GRK5: variants seen among roughly 807,000 people sequenced by gnomAD.
GRK5 encodes the protein G protein-coupled receptor kinase 5, also known as g protein-coupled receptor kinase GRK5.
A neutral mutation model predicts 78.4 loss-of-function variants in GRK5; 40 were observed. The observed-to-expected ratio is 0.51, with a 90% CI of 0.40 to 0.66. The LOEUF is 0.66. GRK5 is among the 30% of genes least tolerant of loss of function. The probability of loss-of-function intolerance (pLI) is 0.00; values close to 1 mark genes in which losing one functional copy is unlikely to be tolerated. For missense variants in GRK5, 598 were observed against 759.9 expected (o/e 0.79, Z 2.50); for synonymous variants, 289 against 296.8 (o/e 0.97, Z 0.27).
rs377249186 is a variant in GRK5 at position 119,269,970 on chromosome 10, C to A, written c.53-56546C>A. Among the ~76,000 whole-genome samples, 366 of 152,288 alleles carry A rather than the reference C, an allele frequency of 2.4e-3. 4 individuals carry two copies. The highest frequency in any genetic ancestry group is 8.5e-3 in the African/African-American group (354 of 41,532). ...GGGAGGGGGCCTTGTGCCAGTCCCC[C>A]ACACTTTGTCTGCTCCTCCAGCCTC... On this transcript the variant is annotated intron_variant, in intron 1 of 15. Transcript: ENST00000392870.
chr10:119,248,006 T>C (rs781492395), intron 1 of GRK5, among the ~76,000 whole-genome samples: 32 of 152,288 alleles, frequency 2.1e-4, no homozygotes, highest in Non-Finnish European at 3.7e-4. Flanking sequence ...TGCACACAAA[T>C]ACGTAATTAG....
intron 1 of GRK5, among the ~76,000 whole-genome samples, chr10:119,255,687 C>T (rs1033267797): frequency 7.2e-5 from 11 of 152,228 alleles, no homozygotes; most frequent in African/African-American, 2.7e-4. Flanking sequence ...GCCTGCTGCC[C>T]CCTGTCCTGG....
intron 2 of GRK5, among the ~76,000 whole-genome samples, chr10:119,328,860 G>A: frequency 6.6e-6 from 1 of 152,264 alleles, no homozygotes. Flanking sequence ...ACAGCCAGAT[G>A]TGAAGGCCAC....
rs531992121 is a variant in GRK5 at position 119,376,183 on chromosome 10, G to A, written c.149-4632G>A. ...GCTCTGCTCCTTAGTCAAGGGCACA[G>A]CTCAGTGCCCTGCAGCTTATGATGG... On this transcript the variant is annotated intron_variant, in intron 2 of 15. Transcript: ENST00000392870. Among the ~76,000 whole-genome samples the A allele has an allele frequency of 7.9e-5, 12 of 152,300 alleles. No homozygotes were observed. In the South Asian group the frequency reaches 2.5e-3, roughly 32 times the overall value.
intron 2 of GRK5, among the ~76,000 whole-genome samples, chr10:119,338,439 G>C (rs10787956): frequency 0.75 from 113,717 of 152,190 alleles, 44,838 homozygotes; most frequent in Middle Eastern, 0.87. Context: ...ACGCCTTCAT[G>C]TAATTTCTTC....
At chr10:119,447,142 G>A (rs1426994362) in intron 12 of GRK5, among the ~76,000 whole-genome samples, 1 of 152,188 alleles carries the variant, frequency 6.6e-6, no homozygotes, top group Non-Finnish European at 1.5e-5. Flanking sequence ...GCTAGTCAAG[G>A]CCCCCTGCGC....
chr10:119,208,812 G>T (rs373246720), intron 1 of GRK5, among the ~76,000 whole-genome samples: 17 of 152,264 alleles, frequency 1.1e-4, no homozygotes, highest in Middle Eastern at 3.4e-3. Context: ...AGAAAAAAGG[G>T]GGGGGAGGCA....
In GRK5 at chr10:119,458,866, C is replaced by T. The variant is rs1346258140; in HGVS notation, c.*3799C>T. ...GCTGCCCTCAAAACGGAGGGGGCAC[C>T]GCAGCCTCCTTGAGCCTGGCATCCC... On this transcript the variant is annotated 3_prime_UTR_variant, in exon 16 of 16. Coordinates refer to ENST00000392870, the MANE Select transcript of GRK5 (RefSeq NM_005308.3). 6.6e-6 allele frequency: 1 copy of T among 152,130 alleles called. No individual in the cohort carries two copies. The highest frequency in any genetic ancestry group is 2.4e-5 in the African/African-American group (1 of 41,414). 9.4% of individuals were successfully genotyped at this position (152,130 alleles called of 1,614,324 possible).
At chr10:119,296,901 G>A (rs1254905085) in intron 1 of GRK5, among the ~76,000 whole-genome samples, 5 of 152,248 alleles carry the variant, frequency 3.3e-5, no homozygotes, top group African/African-American at 7.2e-5. Context: ...GTGCTCTTGT[G>A]CAGAAAGACA....
In GRK5 at chr10:119,436,526, G is replaced by A; in HGVS notation, c.739-125G>A. 8.7e-6 allele frequency: 8 copies of A among 924,766 alleles called. No homozygotes were observed. The South Asian group carries it at 1.3e-4, about 15-fold the overall frequency. 57.3% of individuals were successfully genotyped at this position (924,766 alleles called of 1,614,324 possible). On this transcript the variant is annotated intron_variant, in intron 8 of 15. Coordinates refer to ENST00000392870, the MANE Select transcript of GRK5 (RefSeq NM_005308.3). ...CAGGGTCACCGCAGAGGCCATCTGG[G>A]TGCAGGGGAGCAGGGTGAGGCTCCT...
chr10:119,275,613 G>GCACA (rs796867686), intron 1 of GRK5, among the ~76,000 whole-genome samples: 1,530 of 120,738 alleles, frequency 0.013, 29 homozygotes, highest in South Asian at 0.042. Context: ...TCTCTCTCTC[G>GCACA]CACACACACA....
chr10:119,246,963 T>C (rs1029187711), intron 1 of GRK5, among the ~76,000 whole-genome samples: 3 of 152,174 alleles, frequency 2.0e-5, no homozygotes, highest in African/African-American at 7.2e-5. Flanking sequence ...TGAGAGCCTC[T>C]TGGGTTCTAT....
rs1564917097 is a variant in GRK5, at chr10:119,394,351, TGG to T, written c.262-2342_262-2341del. Among the ~76,000 whole-genome samples, 195 of 92,960 alleles carry T rather than the reference TGG, an allele frequency of 2.1e-3. 29 individuals carry two copies. The highest frequency in any genetic ancestry group is 5.4e-3 in the Middle Eastern group (1 of 186). 61.0% of individuals were successfully genotyped at this position (92,960 alleles called of 152,430 possible). A position where few individuals can be genotyped will look rare whatever the true frequency, so the allele number is the denominator to read the frequency against. On this transcript the variant is annotated intron_variant, in intron 3 of 15. Transcript: ENST00000392870. ...ATCTGTGTGTCTGTGTGTGGGCATG[TGG>T]GTGTGTGGGTGTGTGTGGGTGTCGG...
chr10:119,274,187 A>C (rs1030537462), intron 1 of GRK5, among the ~76,000 whole-genome samples: 2 of 152,160 alleles, frequency 1.3e-5, no homozygotes, highest in Admixed American at 6.5e-5. Context: ...CATGCCGCTG[A>C]GGAGGGGACA....
intron 1 of GRK5, among the ~76,000 whole-genome samples, chr10:119,306,013 C>T (rs1253384372): frequency 2.0e-5 from 3 of 152,136 alleles, no homozygotes; most frequent in Non-Finnish European, 2.9e-5. Flanking sequence ...GGAAAGGCTC[C>T]GTGTTGAGCC....
chr10:119,283,259 G>A (rs529637997), intron 1 of GRK5, among the ~76,000 whole-genome samples: 9 of 152,238 alleles, frequency 5.9e-5, no homozygotes, highest in African/African-American at 2.2e-4. Flanking sequence ...TTCATAGTGT[G>A]CTCAGTCTGG....
intron 11 of GRK5, among the ~76,000 whole-genome samples, chr10:119,442,623 TG>T (rs1282997668): frequency 2.0e-5 from 3 of 152,066 alleles, no homozygotes; most frequent in Admixed American, 2.0e-4. Flanking sequence ...CCCGTCCAAT[TG>T]GGGGCACGCC....
rs923763796 is a variant in GRK5 at position 119,267,174 on chromosome 10, C to T, written c.52+59205C>T. 6.6e-5 allele frequency among the ~76,000 whole-genome samples: 10 copies of T among 150,584 alleles called. No homozygotes were observed. The highest frequency in any genetic ancestry group is 2.1e-4 in the South Asian group (1 of 4,762). ...AGGAGAATTGCTTGAACCTGCGAGG[C>T]GGAGGTTGCAGCGAGCCGAGATCAC... On this transcript the variant is annotated intron_variant, in intron 1 of 15. Transcript: ENST00000392870. This position sits in a 1 kb window ranked among gnomAD's most constrained non-coding sequence, Gnocchi z 4.1.
intron 1 of GRK5, among the ~76,000 whole-genome samples, chr10:119,302,784 C>T (rs1017312111): frequency 6.6e-6 from 1 of 152,100 alleles, no homozygotes; most frequent in East Asian, 1.9e-4. Flanking sequence ...CTGGCAGGCT[C>T]CTTCCACACA....
Sources: allele counts gnomAD v4.1 joint callset (sites outside exome capture counted in the v4.1 genomes callset), GRCh38; gene constraint gnomAD v4.1.1; non-coding constraint Gnocchi (gnomAD v3.1); transcripts MANE v1.5; gene names NCBI Gene and HGNC (gene_info 2026-07-23, HGNC 2026-07-21).